Variants in APP observed in about 807,000 individuals in gnomAD.
The protein encoded by APP is amyloid beta precursor protein, also known as amyloid-beta precursor protein.
Under a neutral mutation model 101.4 loss-of-function variants are expected in APP, and 31 were observed. That is an observed-to-expected ratio of 0.31 (90% confidence interval 0.23 to 0.41). The LOEUF is 0.41. Among genes scored for constraint, APP ranks in the 10% least tolerant of loss-of-function variants. APP has a pLI of 1.00. For synonymous variants in APP, 366 were observed against 364.4 expected, an observed-to-expected ratio of 1.00 and a Z score of -0.05; for missense variants, 839 against 1,003.7, an observed-to-expected ratio of 0.84 and a Z score of 2.22.
intron 8 of APP, among the ~76,000 whole-genome samples, chr21:25,995,108 A>C (rs1261118946): frequency 2.0e-5 from 3 of 152,232 alleles, no homozygotes; most frequent in Non-Finnish European, 4.4e-5. Flanking sequence ...TGTTTGGAAC[A>C]GTGGATGATG....
chr21:25,881,835 A>T, intron 17 of APP, 64 bp from the exon 18 acceptor site: 1 of 1,480,846 alleles, frequency 6.8e-7, no homozygotes, highest in Non-Finnish European at 9.3e-7. Flanking sequence ...GAACATGGAG[A>T]AGCAGTAAAA....
At chr21:25,886,528 C>T (rs1360773965) in intron 17 of APP, among the ~76,000 whole-genome samples, 2 of 151,854 alleles carry the variant, frequency 1.3e-5, no homozygotes, top group African/African-American at 2.4e-5. Flanking sequence ...TGAGTAGCTG[C>T]GACTACAGGC....
rs529543857 is a variant in APP, at chr21:26,022,273, C to T, written c.663-231G>A. Among the ~76,000 whole-genome samples the T allele has an allele frequency of 6.5e-4, 99 of 152,184 alleles. 1 individual carries two copies. Among genetic ancestry groups the T allele is most frequent in the Middle Eastern group, 6.8e-3 (2 of 294 alleles). The stretch of plus-strand genomic sequence containing the variant: ...AAAGGGGATGCCATGAGTCTAACCA[C>T]AGGACATTCTGGAAAAGGGAAAATT... On this transcript the variant is annotated intron_variant, in intron 5 of 17. Transcript: ENST00000346798.
At chr21:26,161,281 AAT>A (rs1323755362) in intron 1 of APP, among the ~76,000 whole-genome samples, 1 of 152,220 alleles carries the variant, frequency 6.6e-6, no homozygotes, top group East Asian at 1.9e-4. Flanking sequence ...CAATGTAGTA[AAT>A]ATATAGTTCC....
chr21:26,108,465 A>G (rs1288042438), intron 2 of APP, among the ~76,000 whole-genome samples: 1 of 152,262 alleles, frequency 6.6e-6, no homozygotes, highest in Non-Finnish European at 1.5e-5. Context: ...AGTACTGGAC[A>G]GCACACGGCT....
At chr21:26,035,112 C>G (rs2045042402) in intron 5 of APP, among the ~76,000 whole-genome samples, 1 of 151,698 alleles carries the variant, frequency 6.6e-6, no homozygotes, top group African/African-American at 2.4e-5. Context: ...AAAGTGAGAT[C>G]TTGTCTCCAC....
intron 1 of APP, among the ~76,000 whole-genome samples, chr21:26,119,211 C>G (rs1474808379): frequency 6.6e-6 from 1 of 152,116 alleles, no homozygotes; most frequent in Non-Finnish European, 1.5e-5. Flanking sequence ...AGATGTCAAG[C>G]TTTTTTAATT....
At chr21:26,082,914 AACT>A (rs1172218841) in intron 3 of APP, among the ~76,000 whole-genome samples, 2 of 152,226 alleles carry the variant, frequency 1.3e-5, no homozygotes, top group African/African-American at 4.8e-5. Context: ...ATATTCAATT[AACT>A]ACTTCCTAAG....
In APP at chr21:26,167,580, C is replaced by CA. The variant is rs542842426; in HGVS notation, c.57+2983dup. 8.0e-4 allele frequency among the ~76,000 whole-genome samples: 122 copies of CA among 152,138 alleles called. 1 individual carries two copies. The highest frequency in any genetic ancestry group is 3.4e-3 in the Middle Eastern group (1 of 292). On this transcript the variant is annotated intron_variant, in intron 1 of 17. Transcript: ENST00000346798. ...AATATCTGTAGAAGACTCTAGTATG[C>CA]AAAAAACAGTAACATAAAATAGAGA...
intron 14 of APP, among the ~76,000 whole-genome samples, chr21:25,909,130 G>A (rs1255823433): frequency 6.6e-6 from 1 of 152,008 alleles, no homozygotes; most frequent in African/African-American, 2.4e-5. Context: ...GGGCGTGGTG[G>A]CGGGTACCTA....
intron 11 of APP, among the ~76,000 whole-genome samples, chr21:25,972,341 GAC>G (rs1305979765): frequency 6.6e-6 from 1 of 151,994 alleles, no homozygotes; most frequent in Non-Finnish European, 1.5e-5. Flanking sequence ...AGAAAAAAAA[GAC>G]ATGTTATTTT....
chr21:26,026,279 C>T (rs1026303485), intron 5 of APP, among the ~76,000 whole-genome samples: 3 of 152,078 alleles, frequency 2.0e-5, no homozygotes, highest in Non-Finnish European at 2.9e-5. Context: ...TTTTAAACAC[C>T]AATAACAAAC....
intron 5 of APP, among the ~76,000 whole-genome samples, chr21:26,039,807 G>C (rs2045289767): frequency 6.6e-6 from 1 of 151,860 alleles, no homozygotes; most frequent in African/African-American, 2.4e-5. Flanking sequence ...TTTTTAATTT[G>C]CTCAATTGCA....
At chr21:26,145,934 A>T (rs1225842428) in intron 1 of APP, among the ~76,000 whole-genome samples, 1 of 152,224 alleles carries the variant, frequency 6.6e-6, no homozygotes, top group East Asian at 1.9e-4. Context: ...AGGCTTGCTT[A>T]GTTGATACAA....
At position 25,899,899 on chromosome 21, in the gene APP, T is replaced by C. The variant is rs184008985; in HGVS notation, c.1964-2226A>G. On this transcript the variant is annotated intron_variant, in intron 15 of 17. Coordinates refer to ENST00000346798, the MANE Select transcript of APP (RefSeq NM_000484.4). ...AAGTTCATTCTCTTTAATATAGACATAAAAGGCACAATGGAAGTGGGACAG... is the reference window on the plus strand; with the variant it reads ...AAGTTCATTCTCTTTAATATAGACACAAAAGGCACAATGGAAGTGGGACAG... 6.8e-4 allele frequency among the ~76,000 whole-genome samples: 104 copies of C among 152,280 alleles called. 2 individuals are homozygous for C. The East Asian group carries it at 0.019, about 29-fold the overall frequency.
intron 5 of APP, among the ~76,000 whole-genome samples, chr21:26,033,782 G>A (rs1339597335): frequency 1.3e-5 from 2 of 152,218 alleles, no homozygotes; most frequent in Admixed American, 6.5e-5. Context: ...GAAGCCTACT[G>A]AGAACTTGGA....
At chr21:25,988,018 GA>G (rs2042702638) in intron 8 of APP, among the ~76,000 whole-genome samples, 1 of 152,228 alleles carries the variant, frequency 6.6e-6, no homozygotes, top group Non-Finnish European at 1.5e-5. Context: ...AGTTCAGAAG[GA>G]TCGGGAGAGC....
At chr21:26,017,551 C>T (rs539602917) in intron 6 of APP, among the ~76,000 whole-genome samples, 1 of 152,272 alleles carries the variant, frequency 6.6e-6, no homozygotes, top group East Asian at 1.9e-4. Flanking sequence ...ACGATGCCTT[C>T]CACAGTAGCA....
intron 6 of APP, among the ~76,000 whole-genome samples, chr21:26,015,717 A>C (rs1462567953): frequency 4.6e-5 from 7 of 152,198 alleles, no homozygotes; most frequent in African/African-American, 1.7e-4. Context: ...CCTCAAAAGA[A>C]ATCAACTTGA....
Sources: gnomAD v4.1 joint callset for allele counts (sites outside exome capture counted in the v4.1 genomes callset) on GRCh38, gnomAD v4.1.1 for gene constraint, MANE v1.5 for transcripts, NCBI Gene and HGNC (gene_info 2026-07-23, HGNC 2026-07-21) for gene names.